The following TMED8 variants were observed in gnomAD, a reference collection of about 807,000 sequenced individuals.
The protein encoded by TMED8 is protein TMED8.
In TMED8, 15 loss-of-function variants were observed where a neutral mutation model predicts 32.7. The ratio of observed to expected loss-of-function variants is 0.46; its 90% confidence interval spans 0.31 to 0.71. TMED8 has a LOEUF of 0.71. TMED8 is among the 30% of genes least tolerant of loss of function. The pLI is 0.06. For synonymous variants in TMED8, 147 were observed against 161.4 expected, an observed-to-expected ratio of 0.91 and a Z score of 0.68; for missense variants, 390 against 423.9, an observed-to-expected ratio of 0.92 and a Z score of 0.70.
chr14:77,351,765 G>A lies in TMED8; in HGVS notation c.119-14C>T. 6.3e-7 allele frequency: 1 copy of A among 1,597,642 alleles called. No individual in the cohort carries two copies. The highest frequency in any genetic ancestry group is 8.6e-7 in the Non-Finnish European group (1 of 1,169,268). Reference sequence around the variant, plus strand: ...GATCTTCATTCTCTAGAAAACCATAGAAAGAAAGAATTCAATATCTGAGAG... The same window carrying A: ...GATCTTCATTCTCTAGAAAACCATAAAAAGAAAGAATTCAATATCTGAGAG... On this transcript the variant is annotated splice_polypyrimidine_tract_variant and intron_variant, in intron 1 of 5. Transcript: ENST00000216468.
rs1045471783 is a variant in TMED8 at position 77,376,957 on chromosome 14, C to A, written c.97G>T (p.Gly33Trp). Residue 33 changes from glycine (G) to tryptophan (W), a missense_variant, in exon 1 of 6, where the codon GGG becomes TGG. Coordinates refer to ENST00000216468, the MANE Select transcript of TMED8 (RefSeq NM_213601.3). The surrounding 1 kb of genome is among the most constrained non-coding windows in gnomAD (Gnocchi z 4.0). ...GGVGDCQGVE[G>W]SQAAASENED... The stretch of plus-strand genomic sequence containing the variant: ...GTACCTGAGGCGGCCGCCTGGCTCC[C>A]CTCCACTCCCTGGCAGTCCCCGACG... 7 of 1,459,590 alleles carry A rather than the reference C, an allele frequency of 4.8e-6. No homozygotes were observed. The highest frequency in any genetic ancestry group is 1.5e-5 in the African/African-American group (1 of 67,788). 90.4% of individuals were successfully genotyped at this position (1,459,590 alleles called of 1,614,324 possible).
intron 2 of TMED8, among the ~76,000 whole-genome samples, chr14:77,350,046 G>A (rs538195294): frequency 6.6e-6 from 1 of 152,306 alleles, no homozygotes; most frequent in African/African-American, 2.4e-5. Context: ...ATTCTCAGGG[G>A]AGATATTTTT....
rs1892796394 is a variant in TMED8 at position 77,337,659 on chromosome 14, G to A, written c.*4112C>T. The A allele has an allele frequency of 6.6e-6, 1 of 152,222 alleles. No homozygotes were observed. Among genetic ancestry groups the A allele is most frequent in the Non-Finnish European group, 1.5e-5 (1 of 68,066 alleles). The allele number at this position is 152,222 out of a possible 1,614,324, so 9.4% of individuals were successfully genotyped here. A position where few individuals can be genotyped will look rare whatever the true frequency, so the allele number is the denominator to read the frequency against. ...GCCCACCTTGGCCTCCCAAAGTGCT[G>A]GGATTACAGGCGTGGGCCACGGCGC... On this transcript the variant is annotated 3_prime_UTR_variant, in exon 6 of 6. Transcript: ENST00000216468.
chr14:77,361,194 C>A (rs1893427069), intron 1 of TMED8, among the ~76,000 whole-genome samples: 2 of 152,084 alleles, frequency 1.3e-5, no homozygotes, highest in Admixed American at 1.3e-4. Context: ...GTTGACCAGG[C>A]TGGTCTCAAA....
intron 2 of TMED8, 40 bp downstream of exon 2, chr14:77,351,633 A>G: frequency 6.5e-7 from 1 of 1,538,712 alleles, no homozygotes; most frequent in East Asian, 2.3e-5. Flanking sequence ...CTCATCTCAG[A>G]AGATAAAACC....
intron 1 of TMED8, among the ~76,000 whole-genome samples, chr14:77,353,546 G>T (rs1052453744): frequency 3.3e-5 from 5 of 150,780 alleles, no homozygotes; most frequent in Admixed American, 6.6e-5. Flanking sequence ...AACCTTCCAG[G>T]TTCAAGCGAT....
At position 77,336,770 on chromosome 14, in the gene TMED8, G is replaced by A. The variant is rs1189848252; in HGVS notation, c.*5001C>T. 1 of 152,100 alleles carries A rather than the reference G, an allele frequency of 6.6e-6. No individual in the cohort carries two copies. Among genetic ancestry groups the A allele is most frequent in the African/African-American group, 2.4e-5 (1 of 41,406 alleles). The allele number at this position is 152,100 out of a possible 1,614,324, so 9.4% of individuals were successfully genotyped here. ...TGCTCCACTAAAACAAGTCTCTTAT[G>A]TAAATATTAGGGTCACTCAATTCCA... is the stretch of plus-strand genomic sequence containing the variant. On this transcript the variant is annotated 3_prime_UTR_variant, in exon 6 of 6. Coordinates refer to ENST00000216468, the MANE Select transcript of TMED8 (RefSeq NM_213601.3).
At chr14:77,371,138 C>T (rs1051538426) in intron 1 of TMED8, among the ~76,000 whole-genome samples, 1 of 152,064 alleles carries the variant, frequency 6.6e-6, no homozygotes, top group Admixed American at 6.6e-5. Context: ...CCATAATAAC[C>T]TTGTATCTAT....
Position 77,336,090 on chromosome 14 carries a change from A to G in TMED8, c.*5681T>C, listed in dbSNP as rs1892753719. On this transcript the variant is annotated 3_prime_UTR_variant, in exon 6 of 6. Coordinates refer to ENST00000216468, the MANE Select transcript of TMED8 (RefSeq NM_213601.3). ...TAAGGGCTCTTTGGTAATATCATAT[A>G]CTATAATATTTCAAACCAAAACTTC... 1 of 152,200 alleles carries G rather than the reference A, an allele frequency of 6.6e-6. No individual in the cohort carries two copies. The highest frequency in any genetic ancestry group is 6.5e-5 in the Admixed American group (1 of 15,282). The allele number at this position is 152,200 out of a possible 1,614,324, so 9.4% of individuals were successfully genotyped here. A position where few individuals can be genotyped will look rare whatever the true frequency, so the allele number is the denominator to read the frequency against.
At chr14:77,347,191 G>A (rs1182058859) in intron 2 of TMED8, among the ~76,000 whole-genome samples, 3 of 152,056 alleles carry the variant, frequency 2.0e-5, no homozygotes, top group Non-Finnish European at 4.4e-5. Context: ...CGAGGAATTG[G>A]TAGAATCTCA....
intron 5 of TMED8, among the ~76,000 whole-genome samples, chr14:77,342,937 C>G (rs1266224932): frequency 6.6e-6 from 1 of 152,124 alleles, no homozygotes; most frequent in Non-Finnish European, 1.5e-5. Context: ...ATCCCTGCCC[C>G]CAGGAAGGTG....
At chr14:77,350,602 CTT>C (rs1382770846) in intron 2 of TMED8, among the ~76,000 whole-genome samples, 2 of 152,242 alleles carry the variant, frequency 1.3e-5, no homozygotes, top group South Asian at 2.1e-4. Flanking sequence ...AAAATTGTCT[CTT>C]TGTCTTTGTG....
rs919481762 is a variant in TMED8, at chr14:77,376,151, A to C, written c.118+785T>G. On this transcript the variant is annotated intron_variant, in intron 1 of 5. Coordinates refer to ENST00000216468, the MANE Select transcript of TMED8 (RefSeq NM_213601.3). The surrounding 1 kb of genome is among the most constrained non-coding windows in gnomAD (Gnocchi z 4.0). Reference sequence around the variant, plus strand: ...GGTGTTCAGGAGGCTGAAAGAAGAAAGTGTGATGGATGGACTCTTTTGTCT... The same window carrying C: ...GGTGTTCAGGAGGCTGAAAGAAGAACGTGTGATGGATGGACTCTTTTGTCT... Among the ~76,000 whole-genome samples the C allele has an allele frequency of 5.9e-5, 9 of 152,204 alleles. No homozygotes were observed. Among genetic ancestry groups the C allele is most frequent in the African/African-American group, 1.9e-4 (8 of 41,450 alleles).
chr14:77,346,615 A>AC (rs1268278725), intron 2 of TMED8, 137 bp from the exon 3 acceptor site: 6 of 1,083,094 alleles, frequency 5.5e-6, no homozygotes, highest in Non-Finnish European at 6.7e-6. Context: ...CTCTACTGTC[A>AC]CCTTAGCCGA....
chr14:77,368,221 C>A (rs1006412025), intron 1 of TMED8, among the ~76,000 whole-genome samples: 2 of 152,026 alleles, frequency 1.3e-5, no homozygotes, highest in Non-Finnish European at 2.9e-5. Context: ...TAGATAATGC[C>A]GAACTATTTT....
Position 77,346,405 on chromosome 14 carries a change from G to A in TMED8, c.271C>T (p.Gln91Ter), listed in dbSNP as rs1202601396. The A allele has an allele frequency of 6.2e-7, 1 of 1,614,006 alleles. No individual in the cohort carries two copies. Among genetic ancestry groups the A allele is most frequent in the Non-Finnish European group, 8.5e-7 (1 of 1,180,040 alleles). The change falls in exon 3 of 6, where the codon CAG (glutamine) becomes TAG (stop). Residue 91 changes from glutamine to a stop codon, truncating the protein, a stop_gained. Coordinates refer to ENST00000216468, the MANE Select transcript of TMED8 (RefSeq NM_213601.3). LOFTEE classifies it high-confidence loss of function. ...AGCAAATCCTGTTTCACCAAGGCCT[G>A]AGCCTCCAAAGGACCAGTTGCTTTC... ...LRKATGPLEA[Q>*]ALVKQDLLPA...
intron 2 of TMED8, among the ~76,000 whole-genome samples, chr14:77,347,497 A>G (rs900127546): frequency 4.6e-5 from 7 of 152,162 alleles, no homozygotes; most frequent in African/African-American, 1.4e-4. Flanking sequence ...TCTCACCACA[A>G]CCTCAAGCAA....
Position 77,341,717 on chromosome 14 carries a change from G to C in TMED8, c.*54C>G, listed in dbSNP as rs1892902907. 6.3e-7 allele frequency: 1 copy of C among 1,581,310 alleles called. No individual in the cohort carries two copies. The highest frequency in any genetic ancestry group is 8.7e-7 in the Non-Finnish European group (1 of 1,151,384). ...TGCCTATCCCAAACAAGAGGCACCAGCTGGCAGCCTGCTTCAGCCAGCAAA... is the reference window on the plus strand; with the variant it reads ...TGCCTATCCCAAACAAGAGGCACCACCTGGCAGCCTGCTTCAGCCAGCAAA... On this transcript the variant is annotated 3_prime_UTR_variant, in exon 6 of 6. Coordinates refer to ENST00000216468, the MANE Select transcript of TMED8 (RefSeq NM_213601.3).
chr14:77,356,085 C>G (rs1263199122), intron 1 of TMED8, among the ~76,000 whole-genome samples: 2 of 152,198 alleles, frequency 1.3e-5, no homozygotes, highest in Admixed American at 6.5e-5. Flanking sequence ...CTTTGTAACA[C>G]CATGAGGTTC....
Sources: allele counts gnomAD v4.1 joint callset (sites outside exome capture counted in the v4.1 genomes callset), GRCh38; gene constraint gnomAD v4.1.1; non-coding constraint Gnocchi (gnomAD v3.1); transcripts MANE v1.5; gene names NCBI Gene and HGNC (gene_info 2026-07-23, HGNC 2026-07-21).